The following RPF2 variants were observed in gnomAD, a reference collection of about 807,000 sequenced individuals.
RPF2 encodes ribosome production factor 2 homolog.
A neutral mutation model predicts 38.9 loss-of-function variants in RPF2; 21 were observed. The ratio of observed to expected loss-of-function variants is 0.54; its 90% confidence interval spans 0.38 to 0.78. The LOEUF (loss-of-function observed/expected upper bound fraction) is 0.78. Among genes scored for constraint, RPF2 ranks in the 30% least tolerant of loss-of-function variants. The probability of loss-of-function intolerance (pLI) is 0.00; values close to 1 mark genes in which losing one functional copy is unlikely to be tolerated. For missense variants in RPF2, 314 were observed against 358.1 expected, an observed-to-expected ratio of 0.88 and a Z score of 0.99; for synonymous variants, 121 against 126.2, an observed-to-expected ratio of 0.96 and a Z score of 0.28.
intron 7 of RPF2, among the ~76,000 whole-genome samples, chr6:111,015,460 A>G (rs534278376): frequency 3.3e-5 from 5 of 152,174 alleles, no homozygotes; most frequent in Non-Finnish European, 7.3e-5. Flanking sequence ...TTTGATTTAC[A>G]TTTTTTAAAA....
chr6:111,017,947 C>G (rs528696684), intron 8 of RPF2, among the ~76,000 whole-genome samples: 13 of 152,248 alleles, frequency 8.5e-5, no homozygotes, highest in Admixed American at 8.5e-4. Context: ...GAACGAGACT[C>G]CGTCTGCAAT....
At chr6:110,993,932 A>G (rs1771662980) in intron 4 of RPF2, among the ~76,000 whole-genome samples, 1 of 152,168 alleles carries the variant, frequency 6.6e-6, no homozygotes, top group Admixed American at 6.6e-5. Context: ...TTGCAGATCA[A>G]ATCCCTCTTT....
chr6:111,017,416 C>T (rs1231248183), intron 8 of RPF2, among the ~76,000 whole-genome samples: 6 of 150,724 alleles, frequency 4.0e-5, no homozygotes, highest in South Asian at 2.1e-4. Context: ...ACTTCCCAGA[C>T]GGGGCGGCTG....
chr6:111,011,324 C>T (rs1306083980), intron 7 of RPF2, among the ~76,000 whole-genome samples: 3 of 138,534 alleles, frequency 2.2e-5, no homozygotes, highest in African/African-American at 5.5e-5. Flanking sequence ...TTTTTTGAGA[C>T]ATAGTCTCAC....
chr6:111,018,320 C>A (rs1583275152), intron 8 of RPF2, among the ~76,000 whole-genome samples: 1 of 152,116 alleles, frequency 6.6e-6, no homozygotes, highest in African/African-American at 2.4e-5. Flanking sequence ...CCCACAGTTT[C>A]CTAAAGAATA....
rs1434600494 is a variant in RPF2, at chr6:110,985,086, T to G, written c.104T>G (p.Leu35Arg). The G allele has an allele frequency of 6.2e-7, 1 of 1,613,700 alleles. No individual in the cohort carries two copies. The highest frequency in any genetic ancestry group is 8.5e-7 in the Non-Finnish European group (1 of 1,179,770). ...KLNENIKNAM[L>R]IKGGNANATV... Reference sequence around the variant, plus strand: ...AATGAAAATATTAAAAATGCCATGCTGATTAAAGGGGGAAATGCAAATGCA... The same window carrying G: ...AATGAAAATATTAAAAATGCCATGCGGATTAAAGGGGGAAATGCAAATGCA... Residue 35 changes from leucine (L) to arginine (R), a missense_variant, in exon 2 of 10, where the codon CTG becomes CGG. By Grantham distance (102) the Leu-to-Arg change is moderately radical (BLOSUM62 -2). Coordinates refer to ENST00000441448, the MANE Select transcript of RPF2 (RefSeq NM_032194.3).
chr6:111,022,921 C>T (rs777710886), intron 8 of RPF2, among the ~76,000 whole-genome samples: 18 of 152,220 alleles, frequency 1.2e-4, no homozygotes, highest in South Asian at 2.1e-4. Context: ...GTTTTTGAGA[C>T]GGAGTCTCGC....
At chr6:111,006,006 ATGTTGTCCAGGC>A (rs2114325485) in intron 6 of RPF2, among the ~76,000 whole-genome samples, 1 of 152,048 alleles carries the variant, frequency 6.6e-6, no homozygotes, top group South Asian at 2.1e-4. Flanking sequence ...GGGTTTTACC[ATGTTGTCCAGGC>A]TGGTCTCAAA....
chr6:111,024,256 G>T lies in RPF2; in HGVS notation c.670G>T (p.Val224Phe), dbSNP rs372449002. ...LEEMGPSLDL[V>F]LRRTHLASDD... ...AGAGATGGGACCCTCATTGGATCTGGTTCTGAGGAGGACACACCTGGCATC... is the reference window on the plus strand; with the variant it reads ...AGAGATGGGACCCTCATTGGATCTGTTTCTGAGGAGGACACACCTGGCATC... The change falls in exon 9 of 10, where the codon GTT becomes TTT. Residue 224 changes from valine to phenylalanine, a missense_variant. Coordinates refer to ENST00000441448, the MANE Select transcript of RPF2 (RefSeq NM_032194.3). The T allele has an allele frequency of 1.9e-6, 3 of 1,611,768 alleles. No homozygotes were observed. The highest frequency in any genetic ancestry group is 2.7e-5 in the African/African-American group (2 of 74,836).
intron 3 of RPF2, among the ~76,000 whole-genome samples, chr6:110,990,577 T>A (rs1428898360): frequency 1.9e-5 from 1 of 53,740 alleles, no homozygotes; most frequent in Non-Finnish European, 4.7e-5. Context: ...CCCCCCCACC[T>A]TTTCTTTTGT....
intron 4 of RPF2, among the ~76,000 whole-genome samples, chr6:110,996,660 C>T (rs80139229): frequency 0.091 from 13,815 of 152,198 alleles, 699 homozygotes; most frequent in African/African-American, 0.12. Context: ...TCTTGAAATG[C>T]ACATCTTTTC....
chr6:111,011,503 G>T (rs1772014042), intron 7 of RPF2, among the ~76,000 whole-genome samples: 2 of 151,972 alleles, frequency 1.3e-5, no homozygotes, highest in Admixed American at 6.6e-5. Context: ...AGCCAGGCTG[G>T]TCTTGAACTC....
At chr6:111,024,115 A>G (rs1177806615) in intron 8 of RPF2, 68 bp from the exon 9 acceptor site, 2 of 1,400,170 alleles carry the variant, frequency 1.4e-6, no homozygotes, top group Non-Finnish European at 1.9e-6. Context: ...CCCCTGAACA[A>G]AAAATATTTG....
chr6:111,017,691 G>A (rs1252427382), intron 8 of RPF2, among the ~76,000 whole-genome samples: 5 of 147,730 alleles, frequency 3.4e-5, no homozygotes, highest in Non-Finnish European at 5.9e-5. Context: ...TTCCTAGACG[G>A]GATGGCGGCC....
intron 1 of RPF2, among the ~76,000 whole-genome samples, chr6:110,983,784 G>A (rs912038950): frequency 1.4e-5 from 2 of 142,656 alleles, no homozygotes; most frequent in African/African-American, 5.3e-5. Context: ...CCAGCACTTT[G>A]GGAGGCTGAG....
chr6:111,022,397 TG>T (rs1431896281), intron 8 of RPF2, among the ~76,000 whole-genome samples: 1 of 152,204 alleles, frequency 6.6e-6, no homozygotes, highest in Non-Finnish European at 1.5e-5. Flanking sequence ...GAGAAAGAAC[TG>T]GGTTCTGTTT....
At chr6:110,991,026 G>C (rs1221790108) in intron 3 of RPF2, among the ~76,000 whole-genome samples, 1 of 152,066 alleles carries the variant, frequency 6.6e-6, no homozygotes, top group African/African-American at 2.4e-5. Flanking sequence ...CTCAGTATCT[G>C]TGGGCGATGG....
intron 8 of RPF2, among the ~76,000 whole-genome samples, chr6:111,016,391 A>C (rs1772108344): frequency 6.6e-6 from 1 of 152,102 alleles, no homozygotes; most frequent in Non-Finnish European, 1.5e-5. Flanking sequence ...CCAGGAGTTC[A>C]AAACCAGCCT....
intron 8 of RPF2, among the ~76,000 whole-genome samples, chr6:111,021,158 ACT>A (rs954105600): frequency 6.6e-6 from 1 of 152,040 alleles, no homozygotes; most frequent in African/African-American, 2.4e-5. Context: ...ACAGAGCAAG[ACT>A]CTGTCTCAAA....
Sources: gnomAD v4.1 joint callset for allele counts (sites outside exome capture counted in the v4.1 genomes callset) on GRCh38, gnomAD v4.1.1 for gene constraint, MANE v1.5 for transcripts, NCBI Gene and HGNC (gene_info 2026-07-23, HGNC 2026-07-21) for gene names.